SH3GL3: variants seen among roughly 807,000 people sequenced by gnomAD.
SH3GL3 encodes the protein SH3 domain containing GRB2 like 3, endophilin A3, also known as endophilin-A3.
SH3GL3 carries 33 observed loss-of-function variants against 47.7 expected under a neutral mutation model. The observed-to-expected ratio is 0.69, with a 90% CI of 0.52 to 0.92. SH3GL3 has a LOEUF of 0.92. Ranked by LOEUF, SH3GL3 falls within the 40% of genes least tolerant of loss-of-function variation. SH3GL3 has a pLI of 0.00. For missense variants in SH3GL3, 363 were observed against 417.8 expected, an observed-to-expected ratio of 0.87 and a Z score of 1.14; for synonymous variants, 155 against 148.8, an observed-to-expected ratio of 1.04 and a Z score of -0.30.
intron 1 of SH3GL3, among the ~76,000 whole-genome samples, chr15:83,463,682 C>T (rs898569730): frequency 2.6e-5 from 4 of 151,696 alleles, no homozygotes; most frequent in African/African-American, 9.7e-5. Flanking sequence ...GGAAAACCTC[C>T]TTTGATCTTA....
rs1029657692 is a variant in SH3GL3, at chr15:83,618,494, G to A, written c.*207G>A. 7.5e-6 allele frequency: 4 copies of A among 534,064 alleles called. No homozygotes were observed. The highest frequency in any genetic ancestry group is 1.3e-5 in the Non-Finnish European group (4 of 299,654). The allele number at this position is 534,064 out of a possible 1,614,324, so 33.1% of individuals were successfully genotyped here. A position where few individuals can be genotyped will look rare whatever the true frequency, so the allele number is the denominator to read the frequency against. On this transcript the variant is annotated 3_prime_UTR_variant, in exon 9 of 9. Coordinates refer to ENST00000427482, the MANE Select transcript of SH3GL3 (RefSeq NM_003027.5). ...GCTACATGAAAATATTTTCTTTTTT[G>A]CTTCCTGTCCTAAAAGTCATTGGTT...
intron 1 of SH3GL3, among the ~76,000 whole-genome samples, chr15:83,475,979 C>T (rs925093772): frequency 2.0e-4 from 30 of 152,094 alleles, no homozygotes; most frequent in African/African-American, 5.3e-4. Flanking sequence ...TCAACCATTA[C>T]GTGAGTATTG....
rs369784464 is a variant in SH3GL3 at position 83,559,298 on chromosome 15, G to A, written c.91G>A (p.Asp31Asn). The stretch of plus-strand genomic sequence containing the variant: ...TGGTGCTGAAGGAACTAAACTAGAC[G>A]ATGAATTTCTTGACATGGAAAGGGT... ...ISGAEGTKLDDEFLDMERKID... is the reference protein window; with the variant it reads ...ISGAEGTKLDNEFLDMERKID... The change falls in exon 2 of 9, where the codon GAT becomes AAT. Residue 31 changes from aspartate to asparagine, a missense_variant. Coordinates refer to ENST00000427482, the MANE Select transcript of SH3GL3 (RefSeq NM_003027.5). The A allele has an allele frequency of 1.1e-4, 183 of 1,592,432 alleles. No individual in the cohort carries two copies. The highest frequency in any genetic ancestry group is 3.4e-4 in the African/African-American group (25 of 74,604).
At chr15:83,470,489 AG>A (rs1461382366) in intron 1 of SH3GL3, among the ~76,000 whole-genome samples, 2 of 152,252 alleles carry the variant, frequency 1.3e-5, no homozygotes, top group Admixed American at 1.3e-4. Flanking sequence ...GGCCTCTCAA[AG>A]TGCTGGGATT....
chr15:83,449,507 G>GGGGCAAATCTCAAAGAT (rs1281568118), intron 1 of SH3GL3, among the ~76,000 whole-genome samples: 45 of 152,294 alleles, frequency 3.0e-4, no homozygotes, highest in Middle Eastern at 6.8e-3. Context: ...GGACTTCACA[G>GGGGCAAATCTCAAAGAT]GGGCAAATCT....
At position 83,535,272 on chromosome 15, in the gene SH3GL3, C is replaced by A. The variant is rs551706925; in HGVS notation, c.46-23981C>A. Among the ~76,000 whole-genome samples, 8 of 152,068 alleles carry A rather than the reference C, an allele frequency of 5.3e-5. No homozygotes were observed. In the South Asian group the frequency reaches 1.7e-3, roughly 32 times the overall value. On this transcript the variant is annotated intron_variant, in intron 1 of 8. Transcript: ENST00000427482. ...AAGAATAAAACATTGTCAGCTTCAA[C>A]CTTCTATGTCCTTTTAAAGGTGATT... is the stretch of plus-strand genomic sequence containing the variant.
rs138850184 is a variant in SH3GL3, at chr15:83,477,570, G to A, written c.45+29992G>A. On this transcript the variant is annotated intron_variant, in intron 1 of 8. Transcript: ENST00000427482. ...AGGACTGTGGCCAGTTTTAGCCTCG[G>A]TTAACTTCAGTCAGTTTGTACAATA... Among the ~76,000 whole-genome samples, 789 of 152,260 alleles carry A rather than the reference G, an allele frequency of 5.2e-3. 1 individual carries two copies. Among genetic ancestry groups the A allele is most frequent in the Non-Finnish European group, 8.3e-3 (562 of 68,024 alleles).
At chr15:83,537,704 T>C (rs146589774) in intron 1 of SH3GL3, among the ~76,000 whole-genome samples, 1 of 152,338 alleles carries the variant, frequency 6.6e-6, no homozygotes, top group Non-Finnish European at 1.5e-5. Context: ...TTGGAATTTC[T>C]CTGTATCAAC....
At chr15:83,597,436 C>A (rs2060263021) in intron 8 of SH3GL3, among the ~76,000 whole-genome samples, 1 of 152,160 alleles carries the variant, frequency 6.6e-6, no homozygotes, top group South Asian at 2.1e-4. Flanking sequence ...GCTATAGGTT[C>A]TGGGGATTAG....
chr15:83,599,505 G>A (rs1365378554), intron 8 of SH3GL3, among the ~76,000 whole-genome samples: 1 of 152,186 alleles, frequency 6.6e-6, no homozygotes, highest in African/African-American at 2.4e-5. Context: ...ATTCCACCCA[G>A]GTTGCTGCAG....
At chr15:83,493,510 T>G (rs1033715282) in intron 1 of SH3GL3, among the ~76,000 whole-genome samples, 6 of 152,164 alleles carry the variant, frequency 3.9e-5, no homozygotes, top group African/African-American at 1.4e-4. Context: ...GCTCAGCAAG[T>G]GAGTCCTTAG....
chr15:83,503,926 A>G lies in SH3GL3; in HGVS notation c.46-55327A>G, dbSNP rs542866214. On this transcript the variant is annotated intron_variant, in intron 1 of 8. Coordinates refer to ENST00000427482, the MANE Select transcript of SH3GL3 (RefSeq NM_003027.5). ...AACACTAGGCTGAATATAGTATTTT[A>G]AAATCACTATTTTAATTGTCATTTC... is the stretch of plus-strand genomic sequence containing the variant. Among the ~76,000 whole-genome samples the G allele has an allele frequency of 2.6e-5, 4 of 152,328 alleles. No homozygotes were observed. The South Asian group carries it at 8.3e-4, about 32-fold the overall frequency.
At chr15:83,630,483 A>G in the SH3GL3 span, among the ~76,000 whole-genome samples, 2 of 152,126 alleles carry the variant, frequency 1.3e-5, no homozygotes, top group African/African-American at 4.8e-5. Flanking sequence ...AGACTGGGTA[A>G]TTTATAAAGG....
At chr15:83,515,701 G>A (rs1204518528) in intron 1 of SH3GL3, among the ~76,000 whole-genome samples, 1 of 152,160 alleles carries the variant, frequency 6.6e-6, no homozygotes, top group East Asian at 1.9e-4. Flanking sequence ...TATGCTTATA[G>A]CTTTAAGACA....
At chr15:83,466,580 G>A (rs2040579565) in intron 1 of SH3GL3, among the ~76,000 whole-genome samples, 1 of 152,106 alleles carries the variant, frequency 6.6e-6, no homozygotes, top group Non-Finnish European at 1.5e-5. Context: ...AGGTATCAAG[G>A]GGAAAGGCAT....
intron 8 of SH3GL3, among the ~76,000 whole-genome samples, chr15:83,591,170 G>C (rs927531909): frequency 1.3e-5 from 2 of 152,030 alleles, no homozygotes; most frequent in Non-Finnish European, 2.9e-5. Context: ...ACAATGCCCA[G>C]CTAATTTTTG....
chr15:83,511,100 G>A (rs942184838), intron 1 of SH3GL3, among the ~76,000 whole-genome samples: 1 of 152,060 alleles, frequency 6.6e-6, no homozygotes, highest in Non-Finnish European at 1.5e-5. Context: ...ATGTAACAAA[G>A]CTGCACGTTG....
At chr15:83,515,671 CAT>C (rs2042950223) in intron 1 of SH3GL3, among the ~76,000 whole-genome samples, 2 of 152,138 alleles carry the variant, frequency 1.3e-5, no homozygotes, top group Admixed American at 6.5e-5. Context: ...TCTGTATAAA[CAT>C]AAAACTAAGT....
chr15:83,489,005 A>G (rs1421310302), intron 1 of SH3GL3, among the ~76,000 whole-genome samples: 1 of 152,216 alleles, frequency 6.6e-6, no homozygotes, highest in Non-Finnish European at 1.5e-5. Context: ...GATGCTGTGC[A>G]TCAGGGTTGA....
Sources: gnomAD v4.1 joint callset for allele counts (sites outside exome capture counted in the v4.1 genomes callset) on GRCh38, gnomAD v4.1.1 for gene constraint, MANE v1.5 for transcripts, NCBI Gene and HGNC (gene_info 2026-07-23, HGNC 2026-07-21) for gene names.